Variants in CUL5 observed in about 807,000 individuals in gnomAD.
CUL5 encodes the protein cullin 5.
Under a neutral mutation model 108.8 loss-of-function variants are expected in CUL5, and 26 were observed. The observed-to-expected ratio is 0.24, with a 90% CI of 0.18 to 0.33. The LOEUF is 0.33. Among genes scored for constraint, CUL5 ranks in the 10% least tolerant of loss-of-function variants. CUL5 has a pLI of 1.00. For synonymous variants in CUL5, 334 were observed against 298.0 expected (o/e 1.12, Z -1.25); for missense variants, 524 against 909.2 (o/e 0.58, Z 5.45).
At position 108,105,046 on chromosome 11, in the gene CUL5, A is replaced by C. The variant is rs1402689716; in HGVS notation, c.*662A>C. On this transcript the variant is annotated 3_prime_UTR_variant, in exon 19 of 19. Transcript: ENST00000393094. ...TCTTTAAGCAGGAGACTGCTATTTT[A>C]GTTGTTGTTAAATGATGAGGAGTTT... 1.3e-5 allele frequency: 2 copies of C among 152,252 alleles called. No homozygotes were observed. Among genetic ancestry groups the C allele is most frequent in the Non-Finnish European group, 2.9e-5 (2 of 67,928 alleles). 9.4% of individuals were successfully genotyped at this position (152,252 alleles called of 1,614,324 possible).
intron 11 of CUL5, among the ~76,000 whole-genome samples, chr11:108,083,961 C>T (rs975377059): frequency 1.3e-5 from 2 of 152,164 alleles, no homozygotes; most frequent in South Asian, 2.1e-4. Flanking sequence ...TGTAAACTTC[C>T]GTAAAACATT....
At chr11:108,081,299 C>G (rs1451860896) in intron 11 of CUL5, among the ~76,000 whole-genome samples, 1 of 151,986 alleles carries the variant, frequency 6.6e-6, no homozygotes, top group Non-Finnish European at 1.5e-5. Flanking sequence ...ACAACAACAA[C>G]AAGAAAGAGT....
chr11:108,029,036 G>A (rs1212571606), intron 1 of CUL5, among the ~76,000 whole-genome samples: 1 of 152,136 alleles, frequency 6.6e-6, no homozygotes, highest in Non-Finnish European at 1.5e-5. Context: ...AATACATTAA[G>A]CATGTTTCTA....
chr11:108,017,860 G>A (rs892333899), intron 1 of CUL5, among the ~76,000 whole-genome samples: 2 of 151,992 alleles, frequency 1.3e-5, no homozygotes, highest in Non-Finnish European at 2.9e-5. Context: ...AAAAAAAAGT[G>A]TTCGGAAGGT....
In CUL5 at chr11:108,106,645, A is replaced by G. The variant is rs1355585021; in HGVS notation, c.*2261A>G. 2 of 150,342 alleles carry G rather than the reference A, an allele frequency of 1.3e-5. No homozygotes were observed. Among genetic ancestry groups the G allele is most frequent in the Non-Finnish European group, 1.5e-5 (1 of 67,638 alleles). 9.3% of individuals were successfully genotyped at this position (150,342 alleles called of 1,614,324 possible). ...CCTATGCCATTGTTAAATTTTCTTT[A>G]AGTAATTTAACAACAGATTTGCTAA... is the stretch of plus-strand genomic sequence containing the variant. On this transcript the variant is annotated 3_prime_UTR_variant, in exon 19 of 19. Coordinates refer to ENST00000393094, the MANE Select transcript of CUL5 (RefSeq NM_003478.6).
At chr11:108,009,916 C>T (rs1862022255) in intron 1 of CUL5, among the ~76,000 whole-genome samples, 2 of 152,152 alleles carry the variant, frequency 1.3e-5, no homozygotes, top group South Asian at 4.1e-4. Flanking sequence ...CCTAATTCTC[C>T]CATTCTTGAG....
At chr11:108,050,196 C>T (rs1565246657) in intron 4 of CUL5, 130 bp downstream of exon 4, 1 of 646,138 alleles carries the variant, frequency 1.5e-6, no homozygotes, top group Non-Finnish European at 2.6e-6. Context: ...CAGCTCTTAA[C>T]TAGATTTTAT....
rs533770687 is a variant in CUL5, at chr11:108,060,131, T to C, written c.780+5176T>C. 7.2e-5 allele frequency among the ~76,000 whole-genome samples: 11 copies of C among 152,226 alleles called. No homozygotes were observed. The East Asian group carries it at 2.1e-3, about 29-fold the overall frequency. On this transcript the variant is annotated intron_variant, in intron 7 of 18. Transcript: ENST00000393094. Reference sequence around the variant, plus strand: ...TTATTAACATTAAAATAAGCACTTATTAACCTTCAGTATTTTGGTATTTCA... The same window carrying C: ...TTATTAACATTAAAATAAGCACTTACTAACCTTCAGTATTTTGGTATTTCA...
chr11:108,092,731 A>G (rs1156563626), intron 13 of CUL5, among the ~76,000 whole-genome samples: 1 of 152,176 alleles, frequency 6.6e-6, no homozygotes, highest in Non-Finnish European at 1.5e-5. Flanking sequence ...GGTGATGAAA[A>G]TGTTCTAAAA....
chr11:108,046,868 G>A (rs993855108), intron 3 of CUL5, among the ~76,000 whole-genome samples: 5 of 152,076 alleles, frequency 3.3e-5, no homozygotes, highest in African/African-American at 1.2e-4. Flanking sequence ...GCTCATTTAG[G>A]CATTAGATCA....
chr11:108,072,291 A>G, intron 8 of CUL5, 41 bp from the exon 9 acceptor site: 1 of 1,490,388 alleles, frequency 6.7e-7, no homozygotes, highest in Non-Finnish European at 9.2e-7. Context: ...CTCTTACTCT[A>G]GTAAATGAAA....
intron 2 of CUL5, among the ~76,000 whole-genome samples, chr11:108,037,553 A>G (rs139234281): frequency 2.4e-4 from 37 of 152,334 alleles, no homozygotes; most frequent in African/African-American, 8.4e-4. Flanking sequence ...AGGAGAAACG[A>G]AATCCAAACT....
intron 11 of CUL5, among the ~76,000 whole-genome samples, chr11:108,087,847 C>T (rs1429901224): frequency 1.3e-5 from 2 of 152,016 alleles, no homozygotes; most frequent in African/African-American, 4.8e-5. Flanking sequence ...CACCTGTAAT[C>T]CCGGCTGCTC....
chr11:108,033,928 TTC>T lies in CUL5; in HGVS notation c.134+19_134+20del. 2.7e-6 allele frequency: 4 copies of T among 1,474,824 alleles called. No individual in the cohort carries two copies. The highest frequency in any genetic ancestry group is 3.8e-6 in the Non-Finnish European group (4 of 1,063,974). 91.4% of individuals were successfully genotyped at this position (1,474,824 alleles called of 1,614,324 possible). On this transcript the variant is annotated intron_variant, in intron 2 of 18. Transcript: ENST00000393094. ...TCTGTTTTCGTAAGTACCCCACTAATTCTGTTTGCTAGCATAAAGGAAATTTT... is the reference window on the plus strand; with the variant it reads ...TCTGTTTTCGTAAGTACCCCACTAATTGTTTGCTAGCATAAAGGAAATTTT...
chr11:108,058,659 C>A (rs1487500084), intron 7 of CUL5, among the ~76,000 whole-genome samples: 3 of 151,624 alleles, frequency 2.0e-5, no homozygotes, highest in Admixed American at 6.6e-5. Context: ...CAGAAAAGAT[C>A]TCTGAGGGAA....
chr11:108,074,907 G>A (rs1420588946), intron 10 of CUL5, among the ~76,000 whole-genome samples: 1 of 152,196 alleles, frequency 6.6e-6, no homozygotes, highest in African/African-American at 2.4e-5. Context: ...CTTAAATTGA[G>A]TAGCCTGCAA....
chr11:108,093,328 C>G (rs1306983567), intron 13 of CUL5, among the ~76,000 whole-genome samples: 1 of 152,046 alleles, frequency 6.6e-6, no homozygotes, highest in Non-Finnish European at 1.5e-5. Flanking sequence ...ACTGAGAATT[C>G]CTTTATAGCA....
chr11:108,063,159 T>G (rs1449078265), intron 7 of CUL5, among the ~76,000 whole-genome samples: 1 of 152,172 alleles, frequency 6.6e-6, no homozygotes, highest in African/African-American at 2.4e-5. Context: ...ATTCTGGTTT[T>G]TTTGTACCCA....
At chr11:108,020,639 C>T (rs909578831) in intron 1 of CUL5, among the ~76,000 whole-genome samples, 16 of 151,778 alleles carry the variant, frequency 1.1e-4, no homozygotes, top group Admixed American at 7.2e-4. Context: ...ACCTCAGCCT[C>T]CCAGAGGGCT....
Sources: gnomAD v4.1 joint callset for allele counts (sites outside exome capture counted in the v4.1 genomes callset) on GRCh38, gnomAD v4.1.1 for gene constraint, MANE v1.5 for transcripts, NCBI Gene and HGNC (gene_info 2026-07-23, HGNC 2026-07-21) for gene names.